Variants in CCSER2 observed in about 807,000 individuals in gnomAD.
The protein encoded by CCSER2 is coiled-coil serine rich protein 2.
In CCSER2, 46 loss-of-function variants were observed where a neutral mutation model predicts 92.3. The ratio of observed to expected loss-of-function variants is 0.50; its 90% CI spans 0.39 to 0.64. CCSER2 has a LOEUF of 0.64. CCSER2 is among the 30% of genes least tolerant of loss of function. CCSER2 has a pLI of 0.00. For missense variants in CCSER2, 1,244 were observed against 1,238.9 expected (o/e 1.00, Z -0.06); for synonymous variants, 433 against 431.4 (o/e 1.00, Z -0.04).
At chr10:84,471,147 TCTC>T (rs1436089444) in intron 8 of CCSER2, among the ~76,000 whole-genome samples, 4 of 152,028 alleles carry the variant, frequency 2.6e-5, no homozygotes, top group Admixed American at 6.5e-5. Flanking sequence ...GAAATATTAA[TCTC>T]ACTGAAAATA....
chr10:84,451,161 G>A (rs1216027736), intron 6 of CCSER2, among the ~76,000 whole-genome samples: 1 of 150,582 alleles, frequency 6.6e-6, no homozygotes, highest in East Asian at 1.9e-4. Context: ...AACACATAGA[G>A]CAATGAAAGA....
At chr10:84,379,557 T>G (rs552743523) in intron 3 of CCSER2, among the ~76,000 whole-genome samples, 1 of 152,254 alleles carries the variant, frequency 6.6e-6, no homozygotes, top group Non-Finnish European at 1.5e-5. Context: ...AAGCCTTTAT[T>G]ATTTGGGAAA....
rs10887314 is a variant in CCSER2 at position 84,514,976 on chromosome 10, T to A, written c.*709T>A. 1 of 152,608 alleles carries A rather than the reference T, an allele frequency of 6.6e-6. No homozygotes were observed. The highest frequency in any genetic ancestry group is 6.5e-5 in the Admixed American group (1 of 15,282). The allele number at this position is 152,608 out of a possible 1,614,324, so 9.5% of individuals were successfully genotyped here. A position where few individuals can be genotyped will look rare whatever the true frequency, so the allele number is the denominator to read the frequency against. ...AAACACATGTGCATGCACACACACA[T>A]ATACACACACATACCATTTATGTTT... On this transcript the variant is annotated 3_prime_UTR_variant, in exon 10 of 10. Transcript: ENST00000372088.
In CCSER2 at chr10:84,470,450, C is replaced by T; in HGVS notation, c.2227C>T (p.Leu743Phe). Residue 743 changes from leucine to phenylalanine, a missense_variant, in exon 8 of 10, where the codon CTT becomes TTT. By Grantham distance (22) the Leu-to-Phe change is conservative. Coordinates refer to ENST00000372088, the MANE Select transcript of CCSER2 (RefSeq NM_001284240.2). ...KKDEKIQLLELQLATQHICHQ... is the reference protein window; with the variant it reads ...KKDEKIQLLEFQLATQHICHQ... ...AGATGAAAAGATCCAACTATTAGAA[C>T]TTCAGCTTGTAAGTATTGTAGTATA... The T allele has an allele frequency of 7.1e-7, 1 of 1,414,750 alleles. No homozygotes were observed. Among genetic ancestry groups the T allele is most frequent in the Non-Finnish European group, 9.4e-7 (1 of 1,062,486 alleles). The allele number at this position is 1,414,750 out of a possible 1,614,324, so 87.6% of individuals were successfully genotyped here.
intron 4 of CCSER2, chr10:84,425,013 A>G: frequency 1.0e-6 from 1 of 983,938 alleles, no homozygotes; most frequent in South Asian, 4.7e-5. Flanking sequence ...TAACTCTCTT[A>G]GTGAGTGCTC....
intron 8 of CCSER2, among the ~76,000 whole-genome samples, chr10:84,473,441 A>G (rs917715215): frequency 2.0e-5 from 3 of 152,232 alleles, no homozygotes; most frequent in Non-Finnish European, 4.4e-5. Flanking sequence ...AATTTAGAGG[A>G]TTAGAAAAGA....
chr10:84,455,213 C>T (rs958961413), intron 6 of CCSER2: 7 of 178,702 alleles, frequency 3.9e-5, no homozygotes, highest in African/African-American at 1.4e-4. Flanking sequence ...CTTTTTCAAC[C>T]TGAGCCAGGT....
At chr10:84,482,937 CTG>C (rs1360522098) in intron 9 of CCSER2, among the ~76,000 whole-genome samples, 1 of 152,068 alleles carries the variant, frequency 6.6e-6, no homozygotes, top group Non-Finnish European at 1.5e-5. Context: ...AGAACTAACT[CTG>C]TTATATATAG....
At position 84,332,436 on chromosome 10, in the gene CCSER2, A is replaced by AT. The variant is rs1187303667; in HGVS notation, c.-40+3649dup. On this transcript the variant is annotated intron_variant, in intron 1 of 9. Transcript: ENST00000372088. ...TTTATATATATATATATATATATATATTTTTTTTTTTTTTTTTTTTTGAGA... is the reference window on the plus strand; with the variant it reads ...TTTATATATATATATATATATATATATTTTTTTTTTTTTTTTTTTTTTGAGA... Among the ~76,000 whole-genome samples, 31 of 55,210 alleles carry AT rather than the reference A, an allele frequency of 5.6e-4. 1 individual carries two copies. Among genetic ancestry groups the AT allele is most frequent in the East Asian group, 1.3e-3 (2 of 1,586 alleles). 36.2% of individuals were successfully genotyped at this position (55,210 alleles called of 152,430 possible).
At chr10:84,379,218 TA>T (rs1840760733) in intron 3 of CCSER2, among the ~76,000 whole-genome samples, 1 of 152,202 alleles carries the variant, frequency 6.6e-6, no homozygotes, top group Non-Finnish European at 1.5e-5. Flanking sequence ...CCATTTCATC[TA>T]AACTTGTCAT....
intron 7 of CCSER2, among the ~76,000 whole-genome samples, chr10:84,468,955 T>A (rs1258042085): frequency 6.6e-6 from 1 of 152,174 alleles, no homozygotes; most frequent in Non-Finnish European, 1.5e-5. Context: ...TAACTTAATA[T>A]TTATAAAACA....
rs144302849 is a variant in CCSER2 at position 84,498,625 on chromosome 10, G to A, written c.2326-14824G>A. 2.5e-3 allele frequency among the ~76,000 whole-genome samples: 382 copies of A among 152,238 alleles called. 6 individuals carry two copies. Among genetic ancestry groups the A allele is most frequent in the Non-Finnish European group, 5.6e-4 (38 of 68,008 alleles). On this transcript the variant is annotated intron_variant, in intron 9 of 9. Transcript: ENST00000372088. ...ACCCTTCATAAGATCTGTAAACACT[G>A]TTAAACTATTATCGTAATTTTTAAT...
At chr10:84,495,115 T>C (rs1848377553) in intron 9 of CCSER2, among the ~76,000 whole-genome samples, 1 of 151,836 alleles carries the variant, frequency 6.6e-6, no homozygotes, top group African/African-American at 2.4e-5. Context: ...CTACATATTA[T>C]ATATTTTTTC....
chr10:84,470,972 T>G (rs1424220684), intron 8 of CCSER2, among the ~76,000 whole-genome samples: 2 of 152,108 alleles, frequency 1.3e-5, no homozygotes, highest in Non-Finnish European at 2.9e-5. Flanking sequence ...CACATATTAG[T>G]CTCATATGAA....
At chr10:84,347,748 CTG>C (rs1377401762) in intron 1 of CCSER2, among the ~76,000 whole-genome samples, 16 of 150,812 alleles carry the variant, frequency 1.1e-4, no homozygotes, top group Admixed American at 5.9e-4. Context: ...GACGGGGCGG[CTG>C]CCGGGCGGAG....
intron 3 of CCSER2, among the ~76,000 whole-genome samples, chr10:84,381,528 G>A (rs1165788964): frequency 6.6e-6 from 1 of 152,144 alleles, no homozygotes; most frequent in Non-Finnish European, 1.5e-5. Flanking sequence ...GATTTATGCT[G>A]ACTACCTGCT....
intron 6 of CCSER2, among the ~76,000 whole-genome samples, chr10:84,462,982 G>A (rs961676668): frequency 1.3e-5 from 2 of 152,180 alleles, no homozygotes; most frequent in Admixed American, 1.3e-4. Context: ...GAACAAATAA[G>A]GTGTTGAACC....
intron 3 of CCSER2, among the ~76,000 whole-genome samples, chr10:84,407,562 C>G (rs1047847431): frequency 4.6e-5 from 7 of 152,188 alleles, no homozygotes; most frequent in Admixed American, 3.3e-4. Context: ...TCTTTGTTCT[C>G]ACTGACACTG....
At chr10:84,499,539 C>T (rs1176110864) in intron 9 of CCSER2, among the ~76,000 whole-genome samples, 1 of 152,052 alleles carries the variant, frequency 6.6e-6, no homozygotes, top group Non-Finnish European at 1.5e-5. Context: ...CTTTAAATTC[C>T]TTCTTTTTCT....
Sources: gnomAD v4.1 joint callset for allele counts (sites outside exome capture counted in the v4.1 genomes callset) on GRCh38, gnomAD v4.1.1 for gene constraint, MANE v1.5 for transcripts, NCBI Gene and HGNC (gene_info 2026-07-23, HGNC 2026-07-21) for gene names.